Variants in TXNL1 observed in about 807,000 individuals in gnomAD.
The protein encoded by TXNL1 is thioredoxin like 1, also known as thioredoxin-like protein 1.
A neutral mutation model predicts 35.5 loss-of-function variants in TXNL1; 14 were observed. The observed-to-expected ratio is 0.39, with a 90% CI of 0.26 to 0.62. The LOEUF is 0.62. Among genes scored for constraint, TXNL1 ranks in the 20% least tolerant of loss-of-function variants. TXNL1 has a pLI of 0.47. For synonymous variants in TXNL1, 110 were observed against 115.5 expected (o/e 0.95, Z 0.31); for missense variants, 263 against 349.7 (o/e 0.75, Z 1.98).
intron 1 of TXNL1, among the ~76,000 whole-genome samples, chr18:56,627,286 C>T (rs1445859210): frequency 6.6e-6 from 1 of 152,166 alleles, no homozygotes; most frequent in Non-Finnish European, 1.5e-5. Context: ...GGAATTTACT[C>T]TGCTTATGAA....
At chr18:56,613,944 GATT>G (rs772319790) in intron 6 of TXNL1, among the ~76,000 whole-genome samples, 10 of 152,138 alleles carry the variant, frequency 6.6e-5, no homozygotes, top group Non-Finnish European at 8.8e-5. Flanking sequence ...GAGGCGGGAA[GATT>G]ATTTGAGCCC....
chr18:56,619,514 G>C (rs2024146536), intron 3 of TXNL1, among the ~76,000 whole-genome samples: 2 of 143,218 alleles, frequency 1.4e-5, no homozygotes, highest in African/African-American at 5.3e-5. Flanking sequence ...CTCCAGCCTG[G>C]GGACAGAGCA....
At chr18:56,638,231 G>T (rs539573880) in intron 1 of TXNL1, 112 bp downstream of exon 1, 54 of 1,110,308 alleles carry the variant, frequency 4.9e-5, no homozygotes, top group Admixed American at 9.0e-5. Context: ...GGGCTGCGGC[G>T]ACTGCCGGAC....
chr18:56,623,542 C>A (rs1432412208), intron 3 of TXNL1, among the ~76,000 whole-genome samples: 1 of 151,990 alleles, frequency 6.6e-6, no homozygotes, highest in East Asian at 1.9e-4. Flanking sequence ...CTATATATAT[C>A]TCTTAGTATA....
At chr18:56,608,162 A>G (rs2023932824) in intron 7 of TXNL1, 1 of 152,206 alleles carries the variant, frequency 6.6e-6, no homozygotes, top group Non-Finnish European at 1.5e-5. Context: ...ACCATACCAC[A>G]TATTATTTCC....
At chr18:56,623,321 G>C (rs1256259904) in intron 3 of TXNL1, among the ~76,000 whole-genome samples, 1 of 151,950 alleles carries the variant, frequency 6.6e-6, no homozygotes, top group Non-Finnish European at 1.5e-5. Flanking sequence ...CCAGCTACTG[G>C]GGAGGCTGAG....
chr18:56,632,011 A>G (rs1033494953), intron 1 of TXNL1, among the ~76,000 whole-genome samples: 1 of 152,182 alleles, frequency 6.6e-6, no homozygotes, highest in African/African-American at 2.4e-5. Flanking sequence ...AGTGAAGATC[A>G]TAAGATGACC....
At chr18:56,626,966 A>G (rs2024295410) in intron 1 of TXNL1, among the ~76,000 whole-genome samples, 1 of 147,650 alleles carries the variant, frequency 6.8e-6, no homozygotes, top group African/African-American at 2.5e-5. Flanking sequence ...CACCACACCC[A>G]GCTACCAAGC....
At chr18:56,613,431 TA>T (rs2024028948) in intron 6 of TXNL1, among the ~76,000 whole-genome samples, 1 of 152,196 alleles carries the variant, frequency 6.6e-6, no homozygotes, top group Non-Finnish European at 1.5e-5. Context: ...AAGCAATTAA[TA>T]ACTGCTAAAA....
At chr18:56,614,806 G>A (rs978300510) in intron 5 of TXNL1, among the ~76,000 whole-genome samples, 8 of 151,980 alleles carry the variant, frequency 5.3e-5, no homozygotes, top group Admixed American at 1.3e-4. Flanking sequence ...CTTCTTGGCC[G>A]AGCTAACACT....
chr18:56,636,878 CTT>C (rs2024463834), intron 1 of TXNL1, among the ~76,000 whole-genome samples: 1 of 152,104 alleles, frequency 6.6e-6, no homozygotes, highest in South Asian at 2.1e-4. Flanking sequence ...CCTATCTTCC[CTT>C]TTCTACTGTG....
intron 7 of TXNL1, 118 bp downstream of exon 7, chr18:56,610,875 T>C (rs1042975166): frequency 1.1e-5 from 7 of 648,484 alleles, no homozygotes; most frequent in Non-Finnish European, 1.7e-5. Flanking sequence ...TAAAATTTCA[T>C]GACATGATAT....
intron 3 of TXNL1, among the ~76,000 whole-genome samples, chr18:56,622,455 C>T (rs1223286968): frequency 6.6e-6 from 1 of 151,958 alleles, no homozygotes; most frequent in Non-Finnish European, 1.5e-5. Flanking sequence ...ATGGTATCAT[C>T]GTTATATAAG....
chr18:56,613,600 G>A (rs888812173), intron 6 of TXNL1, among the ~76,000 whole-genome samples: 22 of 152,090 alleles, frequency 1.4e-4, no homozygotes, highest in African/African-American at 5.3e-4. Flanking sequence ...GACTGCTTGA[G>A]CCCAGGAGTT....
At chr18:56,617,303 T>C (rs1280980566) in intron 4 of TXNL1, among the ~76,000 whole-genome samples, 2 of 152,276 alleles carry the variant, frequency 1.3e-5, no homozygotes, top group South Asian at 2.1e-4. Flanking sequence ...AACTGAACTG[T>C]AGGTGAAGAG....
intron 3 of TXNL1, among the ~76,000 whole-genome samples, chr18:56,621,030 A>C (rs1387431573): frequency 4.6e-5 from 7 of 152,208 alleles, no homozygotes; most frequent in Non-Finnish European, 1.0e-4. Flanking sequence ...AAAATCTTTA[A>C]AATGTTTTTG....
At chr18:56,627,366 G>T (rs2024302531) in intron 1 of TXNL1, among the ~76,000 whole-genome samples, 1 of 152,164 alleles carries the variant, frequency 6.6e-6, no homozygotes, top group African/African-American at 2.4e-5. Flanking sequence ...TAAGATCTCA[G>T]CAGGTTTTCT....
chr18:56,622,061 T>G (rs1361520009), intron 3 of TXNL1, among the ~76,000 whole-genome samples: 5 of 150,764 alleles, frequency 3.3e-5, no homozygotes, highest in Non-Finnish European at 5.9e-5. Flanking sequence ...AGACCCATGC[T>G]ATTCAATATG....
Position 56,603,023 on chromosome 18 carries a change from T to C in TXNL1, c.*4A>G, listed in dbSNP as rs199523745. The C allele has an allele frequency of 1.4e-4, 233 of 1,613,748 alleles. No individual in the cohort carries two copies. The highest frequency in any genetic ancestry group is 1.9e-4 in the Non-Finnish European group (228 of 1,179,852). Reference sequence around the variant, plus strand: ...CAATATGGTTGTCCAGTGTCTTTTGTACCTTAGTGGCTTTCTCCTTTTTTG... The same window carrying C: ...CAATATGGTTGTCCAGTGTCTTTTGCACCTTAGTGGCTTTCTCCTTTTTTG... On this transcript the variant is annotated 3_prime_UTR_variant, in exon 8 of 8. Coordinates refer to ENST00000217515, the MANE Select transcript of TXNL1 (RefSeq NM_004786.3).
Sources: allele counts gnomAD v4.1 joint callset (sites outside exome capture counted in the v4.1 genomes callset), GRCh38; gene constraint gnomAD v4.1.1; transcripts MANE v1.5; gene names NCBI Gene and HGNC (gene_info 2026-07-23, HGNC 2026-07-21).